Variants in PRKCZ observed in about 807,000 individuals in gnomAD.
PRKCZ encodes protein kinase C zeta type.
A neutral mutation model predicts 79.5 loss-of-function variants in PRKCZ; 33 were observed. The observed-to-expected ratio is 0.41, with a 90% CI of 0.31 to 0.55. The LOEUF (loss-of-function observed/expected upper bound fraction) is 0.55, where lower values mean the gene tolerates loss of function less well. Among genes scored for constraint, PRKCZ ranks in the 20% least tolerant of loss-of-function variants. PRKCZ has a pLI of 0.19. For synonymous variants in PRKCZ, 342 were observed against 320.9 expected (o/e 1.07, Z -0.70); for missense variants, 578 against 813.5 (o/e 0.71, Z 3.52).
chr1:2,146,449 C>T (rs1439417148), intron 7 of PRKCZ, among the ~76,000 whole-genome samples: 1 of 152,238 alleles, frequency 6.6e-6, no homozygotes, highest in Non-Finnish European at 1.5e-5. Context: ...CATGGCCGGG[C>T]ACCTCCCACA....
At chr1:2,079,843 C>G (rs1316835791) in intron 4 of PRKCZ, among the ~76,000 whole-genome samples, 1 of 152,188 alleles carries the variant, frequency 6.6e-6, no homozygotes, top group East Asian at 1.9e-4. Flanking sequence ...TCGTGGGGCA[C>G]CACAGAGCTG....
chr1:2,157,712 G>GTT (rs71578360), intron 10 of PRKCZ, among the ~76,000 whole-genome samples: 310 of 134,134 alleles, frequency 2.3e-3, no homozygotes, highest in South Asian at 9.3e-3. Flanking sequence ...CGCCTCCAGA[G>GTT]TTTTTTTTTT....
At position 2,178,389 on chromosome 1, in the gene PRKCZ, C is replaced by T. The variant is rs1380213192; in HGVS notation, c.1575+3076C>T. Among the ~76,000 whole-genome samples the T allele has an allele frequency of 6.6e-6, 1 of 152,238 alleles. No individual in the cohort carries two copies. The highest frequency in any genetic ancestry group is 1.5e-5 in the Non-Finnish European group (1 of 68,042). On this transcript the variant is annotated intron_variant, in intron 16 of 17. Coordinates refer to ENST00000378567, the MANE Select transcript of PRKCZ (RefSeq NM_002744.6). This position sits in a 1 kb window ranked among gnomAD's most constrained non-coding sequence, Gnocchi z 4.3. ...TGCCTCCTTCCTGCGCTGAACCCCA[C>T]CCACTGCGTCCACTGCGTGGAGACT...
intron 10 of PRKCZ, among the ~76,000 whole-genome samples, chr1:2,161,634 G>A (rs946156767): frequency 1.3e-5 from 2 of 152,210 alleles, no homozygotes; most frequent in East Asian, 1.9e-4. Context: ...GCCGCTCTTA[G>A]AACAGGTCAG....
At chr1:2,060,166 A>G (rs929202938) in intron 4 of PRKCZ, among the ~76,000 whole-genome samples, 1 of 151,830 alleles carries the variant, frequency 6.6e-6, no homozygotes, top group African/African-American at 2.4e-5. Flanking sequence ...TTCCACCCCC[A>G]CTCTCCAGAC....
chr1:2,110,865 G>C (rs895231667), intron 4 of PRKCZ, among the ~76,000 whole-genome samples: 3 of 151,920 alleles, frequency 2.0e-5, no homozygotes, highest in Non-Finnish European at 4.4e-5. Context: ...AGTGGACTCT[G>C]TGGGGCCAGG....
At chr1:2,085,530 T>G (rs1664338537) in intron 4 of PRKCZ, among the ~76,000 whole-genome samples, 1 of 152,266 alleles carries the variant, frequency 6.6e-6, no homozygotes. Context: ...TTCACAACTC[T>G]TGTCCTCTGA....
rs150375621 is a variant in PRKCZ at position 2,108,102 on chromosome 1, G to C, written c.335-27160G>C. On this transcript the variant is annotated intron_variant, in intron 4 of 17. Transcript: ENST00000378567. ...GTTCTGGGGGTAGAGAAGTCAGGTA[G>C]CCCAGGGCCCGCACTCTCAATAGAC... 6.5e-3 allele frequency among the ~76,000 whole-genome samples: 996 copies of C among 152,356 alleles called. 6 individuals are homozygous for C. Among genetic ancestry groups the C allele is most frequent in the African/African-American group, 0.022 (914 of 41,584 alleles).
Position 2,177,759 on chromosome 1 carries a change from A to G in PRKCZ, c.1575+2446A>G, listed in dbSNP as rs964025371. Among the ~76,000 whole-genome samples the G allele has an allele frequency of 6.6e-6, 1 of 152,144 alleles. No individual in the cohort carries two copies. Among genetic ancestry groups the G allele is most frequent in the African/African-American group, 2.4e-5 (1 of 41,420 alleles). ...CTTCCCACCTGGGTCCCACCACTGC[A>G]GAATCACCCCCGTGGCTGCCCACAG... On this transcript the variant is annotated intron_variant, in intron 16 of 17. Transcript: ENST00000378567. This position sits in a 1 kb window ranked among gnomAD's most constrained non-coding sequence, Gnocchi z 6.4.
chr1:2,124,350 C>T lies in PRKCZ; in HGVS notation c.335-10912C>T, dbSNP rs76286887. Among the ~76,000 whole-genome samples the T allele has an allele frequency of 2.4e-3, 7 of 2,904 alleles. 1 individual carries two copies. Among genetic ancestry groups the T allele is most frequent in the East Asian group, 0.011 (1 of 92 alleles). The allele number at this position is 2,904 out of a possible 152,430, so 1.9% of individuals were successfully genotyped here. A position where few individuals can be genotyped will look rare whatever the true frequency, so the allele number is the denominator to read the frequency against. On this transcript the variant is annotated intron_variant, in intron 4 of 17. Coordinates refer to ENST00000378567, the MANE Select transcript of PRKCZ (RefSeq NM_002744.6). ...AGGGTCACGGTGGTGGTTAGGGTCA[C>T]GGCGGTGGTTAGGGTCACGGCGGCG...
chr1:2,060,951 G>A (rs6691398), intron 4 of PRKCZ, among the ~76,000 whole-genome samples: 23,961 of 152,192 alleles, frequency 0.16, 2,174 homozygotes, highest in East Asian at 0.25. Context: ...CCTGGAGCAC[G>A]CACCCTGGGA....
At chr1:2,102,405 TCA>T (rs1312665366) in intron 4 of PRKCZ, among the ~76,000 whole-genome samples, 2 of 151,954 alleles carry the variant, frequency 1.3e-5, no homozygotes, top group African/African-American at 4.8e-5. Flanking sequence ...CAATCTTGGC[TCA>T]CTGCAAGCCC....
At chr1:2,100,778 T>G (rs1667306645) in intron 4 of PRKCZ, among the ~76,000 whole-genome samples, 1 of 152,068 alleles carries the variant, frequency 6.6e-6, no homozygotes, top group Non-Finnish European at 1.5e-5. Context: ...CCTCGTGGGT[T>G]GGAGGAGACT....
chr1:2,131,961 A>G (rs371869819), intron 4 of PRKCZ, among the ~76,000 whole-genome samples: 31 of 152,062 alleles, frequency 2.0e-4, no homozygotes, highest in South Asian at 8.3e-4. Context: ...ACAGGCGCCC[A>G]CCACCACACC....
rs550571095 is a variant in PRKCZ at position 2,139,670 on chromosome 1, G to A, written c.420+4323G>A. On this transcript the variant is annotated intron_variant, in intron 5 of 17. Transcript: ENST00000378567. ...TGTCATGGGGTCTGCCAACCCTGGG[G>A]ATGTGGGACAGGCATGGACCCTACT... 1.6e-4 allele frequency among the ~76,000 whole-genome samples: 25 copies of A among 152,304 alleles called. 1 individual carries two copies. Among genetic ancestry groups the A allele is most frequent in the African/African-American group, 5.8e-4 (24 of 41,566 alleles).
intron 5 of PRKCZ, among the ~76,000 whole-genome samples, chr1:2,137,789 A>G (rs1676521791): frequency 6.8e-6 from 1 of 147,320 alleles, no homozygotes; most frequent in Non-Finnish European, 1.5e-5. Context: ...ACCAGTGAGC[A>G]AAAGCTTTTC....
intron 4 of PRKCZ, among the ~76,000 whole-genome samples, chr1:2,092,726 A>G (rs1477479838): frequency 6.6e-6 from 1 of 152,228 alleles, no homozygotes; most frequent in Non-Finnish European, 1.5e-5. Context: ...ATTTTTAAGC[A>G]TTAGAGGATG....
intron 1 of PRKCZ, among the ~76,000 whole-genome samples, chr1:2,053,772 C>T (rs1003352126): frequency 1.3e-5 from 2 of 152,204 alleles, no homozygotes; most frequent in African/African-American, 4.8e-5. Context: ...CTTTTGGACT[C>T]CAGGTCAGGC....
At chr1:2,166,387 C>G (rs1358281277) in intron 10 of PRKCZ, among the ~76,000 whole-genome samples, 1 of 152,338 alleles carries the variant, frequency 6.6e-6, no homozygotes, top group African/African-American at 2.4e-5. Flanking sequence ...CCACTGCACT[C>G]CAGCCTGAGT....
Sources: allele counts gnomAD v4.1 joint callset (sites outside exome capture counted in the v4.1 genomes callset), GRCh38; gene constraint gnomAD v4.1.1; non-coding constraint Gnocchi (gnomAD v3.1); transcripts MANE v1.5; gene names NCBI Gene and HGNC (gene_info 2026-07-23, HGNC 2026-07-21).